The following FKTN variants were observed in gnomAD, a reference collection of about 807,000 sequenced individuals.
The protein encoded by FKTN is ribitol-5-phosphate transferase FKTN.
A neutral mutation model predicts 58.6 loss-of-function variants in FKTN; 47 were observed. The observed-to-expected ratio is 0.80, with a 90% CI of 0.63 to 1.02. FKTN has a LOEUF of 1.02. Ranked by LOEUF, FKTN falls within the 50% of genes least tolerant of loss-of-function variation. The pLI is 0.00. For missense variants in FKTN, 516 were observed against 537.3 expected (o/e 0.96, Z 0.39); for synonymous variants, 178 against 191.9 (o/e 0.93, Z 0.60).
intron 3 of FKTN, among the ~76,000 whole-genome samples, chr9:105,591,224 A>C (rs1844809701): frequency 6.6e-6 from 1 of 152,152 alleles, no homozygotes; most frequent in Non-Finnish European, 1.5e-5. Context: ...TGCAAAATAC[A>C]ATCATGCCTT....
Position 105,636,226 on chromosome 9 carries a change from C to T in FKTN, c.*962C>T, listed in dbSNP as rs1277485848. The T allele has an allele frequency of 1.1e-6, 1 of 872,756 alleles. No individual in the cohort carries two copies. Among genetic ancestry groups the T allele is most frequent in the Non-Finnish European group, 1.4e-6 (1 of 727,690 alleles). 54.1% of individuals were successfully genotyped at this position (872,756 alleles called of 1,614,324 possible). ...ATATTAATAGAATTTTTTAAATATA[C>T]TCTAATTTTTAAAACATACTCTTTA... On this transcript the variant is annotated 3_prime_UTR_variant, in exon 11 of 11. Coordinates refer to ENST00000357998, the MANE Select transcript of FKTN (RefSeq NM_001079802.2).
chr9:105,623,974 T>C lies in FKTN; in HGVS notation c.1172+3913T>C, dbSNP rs893718584. Reference sequence around the variant, plus strand: ...TTTAAATTAGTTTATTTCTATTTTTTAATTTAAAAAATTCTGTGGGCATCT... The same window carrying C: ...TTTAAATTAGTTTATTTCTATTTTTCAATTTAAAAAATTCTGTGGGCATCT... On this transcript the variant is annotated intron_variant, in intron 10 of 10. Transcript: ENST00000357998. Among the ~76,000 whole-genome samples, 6 of 152,188 alleles carry C rather than the reference T, an allele frequency of 3.9e-5. No homozygotes were observed. In the East Asian group the frequency reaches 1.2e-3, roughly 29 times the overall value.
intron 3 of FKTN, 30 bp downstream of exon 3, chr9:105,575,167 C>T: frequency 8.7e-7 from 1 of 1,147,890 alleles, no homozygotes. Flanking sequence ...CTTATCATTC[C>T]TCCTTTCTTA....
intron 10 of FKTN, among the ~76,000 whole-genome samples, chr9:105,634,527 A>C (rs1439620342): frequency 6.6e-6 from 1 of 152,162 alleles, no homozygotes; most frequent in Non-Finnish European, 1.5e-5. Flanking sequence ...GGCTGGTTTA[A>C]AGATGTTCTT....
chr9:105,604,101 A>T, intron 5 of FKTN, 114 bp from the exon 6 acceptor site: 1 of 1,121,756 alleles, frequency 8.9e-7, no homozygotes, highest in Non-Finnish European at 1.3e-6. Context: ...ATTAGCACAA[A>T]AATATGGCTC....
intron 3 of FKTN, among the ~76,000 whole-genome samples, chr9:105,579,924 C>T (rs1489028871): frequency 6.6e-6 from 1 of 151,656 alleles, no homozygotes; most frequent in Non-Finnish European, 1.5e-5. Flanking sequence ...TATGTAATGG[C>T]CTTCTTTGTC....
intron 3 of FKTN, among the ~76,000 whole-genome samples, chr9:105,594,505 C>T (rs1040316537): frequency 1.3e-5 from 2 of 152,192 alleles, no homozygotes; most frequent in East Asian, 3.8e-4. Context: ...CACCTGGAAT[C>T]CCAGCACTTT....
chr9:105,584,180 A>C (rs537810207), intron 3 of FKTN, among the ~76,000 whole-genome samples: 70 of 152,336 alleles, frequency 4.6e-4, no homozygotes, highest in Non-Finnish European at 9.1e-4. Context: ...GTGAAGCTTA[A>C]ATGAATTGAT....
intron 7 of FKTN, among the ~76,000 whole-genome samples, chr9:105,612,570 A>G (rs1376935720): frequency 1.3e-5 from 2 of 152,230 alleles, no homozygotes; most frequent in Admixed American, 6.5e-5. Context: ...TTAAATGAAA[A>G]AAGTATGTAT....
intron 1 of FKTN, among the ~76,000 whole-genome samples, chr9:105,570,881 A>T (rs986566538): frequency 6.6e-6 from 1 of 152,186 alleles, no homozygotes; most frequent in Non-Finnish European, 1.5e-5. Flanking sequence ...AGTAAATGAG[A>T]ACATTGCAGA....
At chr9:105,590,789 C>A (rs1844728965) in intron 3 of FKTN, among the ~76,000 whole-genome samples, 1 of 152,084 alleles carries the variant, frequency 6.6e-6, no homozygotes, top group Non-Finnish European at 1.5e-5. Flanking sequence ...ATATCTGAGG[C>A]AGGGTAATTT....
chr9:105,600,899 G>T, intron 4 of FKTN: 1 of 399,064 alleles, frequency 2.5e-6, no homozygotes, highest in Non-Finnish European at 4.6e-6. Context: ...ATAATATGTT[G>T]TATATGTTTT....
chr9:105,588,307 T>C (rs1396733264), intron 3 of FKTN, among the ~76,000 whole-genome samples: 1 of 152,250 alleles, frequency 6.6e-6, no homozygotes, highest in Non-Finnish European at 1.5e-5. Context: ...TACTCATTTA[T>C]TCATTTCCCG....
rs187804924 is a variant in FKTN at position 105,604,355 on chromosome 9, G to A, written c.510G>A (p.Ala170=). 2.7e-5 allele frequency: 44 copies of A among 1,614,112 alleles called. No homozygotes were observed. Among genetic ancestry groups the A allele is most frequent in the Non-Finnish European group, 3.5e-5 (41 of 1,179,994 alleles). Reference sequence around the variant, plus strand: ...ATATCTGCAAACTGGCCACTCATGCGATCCACTTGGTAGTCTTTCATGAGA... The same window carrying A: ...ATATCTGCAAACTGGCCACTCATGCAATCCACTTGGTAGTCTTTCATGAGA... ...LHYICKLATH[A]IHLVVFHERS... Residue 170 remains alanine (A), a synonymous_variant, in exon 6 of 11, where the codon GCG becomes GCA. Transcript: ENST00000357998.
intron 10 of FKTN, among the ~76,000 whole-genome samples, chr9:105,628,731 A>G (rs1440266452): frequency 1.3e-5 from 2 of 152,242 alleles, no homozygotes; most frequent in Non-Finnish European, 2.9e-5. Context: ...ACCACTGAAC[A>G]ATGAATAGCA....
In FKTN at chr9:105,636,889, T is replaced by C. The variant is rs1289797739; in HGVS notation, c.*1625T>C. ...TGTAAAGCAACATGAAAACCTTTGA[T>C]AAATGATAACCAACAGTCTTCTGTC... On this transcript the variant is annotated 3_prime_UTR_variant, in exon 11 of 11. Transcript: ENST00000357998. 9.0e-7 allele frequency: 1 copy of C among 1,109,606 alleles called. No homozygotes were observed. Among genetic ancestry groups the C allele is most frequent in the Non-Finnish European group, 1.1e-6 (1 of 884,262 alleles). The allele number at this position is 1,109,606 out of a possible 1,614,324, so 68.7% of individuals were successfully genotyped here.
chr9:105,575,752 G>A (rs1841555114), intron 3 of FKTN, among the ~76,000 whole-genome samples: 1 of 151,878 alleles, frequency 6.6e-6, no homozygotes, highest in South Asian at 2.1e-4. Context: ...TCATGGGGAA[G>A]AAAAAAAATT....
chr9:105,593,494 T>G (rs1190560413), intron 3 of FKTN, among the ~76,000 whole-genome samples: 1 of 152,168 alleles, frequency 6.6e-6, no homozygotes, highest in Non-Finnish European at 1.5e-5. Flanking sequence ...CAATTGGCTA[T>G]ATAAGTCTGG....
At chr9:105,612,273 T>C (rs188621200) in intron 7 of FKTN, among the ~76,000 whole-genome samples, 1 of 152,246 alleles carries the variant, frequency 6.6e-6, no homozygotes, top group Non-Finnish European at 1.5e-5. Flanking sequence ...AGATGCTGGA[T>C]ATTAGACCTA....
Sources: gnomAD v4.1 joint callset for allele counts (sites outside exome capture counted in the v4.1 genomes callset) on GRCh38, gnomAD v4.1.1 for gene constraint, MANE v1.5 for transcripts, NCBI Gene and HGNC (gene_info 2026-07-23, HGNC 2026-07-21) for gene names.